Variants in CNTNAP5 observed in about 807,000 individuals in gnomAD.
CNTNAP5 encodes contactin associated protein family member 5, also known as contactin-associated protein-like 5.
A neutral mutation model predicts 150.2 loss-of-function variants in CNTNAP5; 72 were observed. The observed-to-expected ratio is 0.48, with a 90% confidence interval of 0.40 to 0.58. The LOEUF is 0.58. CNTNAP5 is among the 20% of genes least tolerant of loss of function. CNTNAP5 has a pLI of 0.00. For missense variants in CNTNAP5, 1,636 were observed against 1,626.2 expected (o/e 1.01, Z -0.10); for synonymous variants, 672 against 619.8 (o/e 1.08, Z -1.25).
At chr2:124,473,970 G>A (rs1466778522) in intron 6 of CNTNAP5, among the ~76,000 whole-genome samples, 1 of 151,916 alleles carries the variant, frequency 6.6e-6, no homozygotes, top group Non-Finnish European at 1.5e-5. Flanking sequence ...TGTAATTGCG[G>A]TTTTTGCCAT....
rs370782361 is a variant in CNTNAP5, at chr2:124,474,001, G to T, written c.919-738G>T. Among the ~76,000 whole-genome samples the T allele has an allele frequency of 6.6e-5, 10 of 151,980 alleles. No homozygotes were observed. The South Asian group carries it at 1.2e-3, about 19-fold the overall frequency. Reference sequence around the variant, plus strand: ...GCCATTACTTTTAGTGACAAAAACCGCAGTTGCTTTTGCCTCAACCTAATA... The same window carrying T: ...GCCATTACTTTTAGTGACAAAAACCTCAGTTGCTTTTGCCTCAACCTAATA... On this transcript the variant is annotated intron_variant, in intron 6 of 23. Transcript: ENST00000682447.
At chr2:124,547,150 G>A (rs10172145) in intron 10 of CNTNAP5, among the ~76,000 whole-genome samples, 2,429 of 152,142 alleles carry the variant, frequency 0.016, 64 homozygotes, top group African/African-American at 0.055. Flanking sequence ...AGCAATGGTG[G>A]CATCAGACAG....
At chr2:124,490,160 C>G (rs1164384913) in intron 7 of CNTNAP5, among the ~76,000 whole-genome samples, 1 of 151,890 alleles carries the variant, frequency 6.6e-6, no homozygotes, top group Non-Finnish European at 1.5e-5. Context: ...ATGGTGAAAC[C>G]CCATCTCTAC....
At chr2:124,089,204 T>C (rs1682762998) in intron 1 of CNTNAP5, among the ~76,000 whole-genome samples, 1 of 152,184 alleles carries the variant, frequency 6.6e-6, no homozygotes, top group Non-Finnish European at 1.5e-5. Flanking sequence ...GGATTCTCCA[T>C]TGTAATTACT....
intron 1 of CNTNAP5, among the ~76,000 whole-genome samples, chr2:124,157,705 G>T (rs1240601353): frequency 6.6e-6 from 1 of 152,104 alleles, no homozygotes; most frequent in Non-Finnish European, 1.5e-5. Context: ...ATCTATAGGA[G>T]GTGCAATTAG....
At chr2:124,497,129 TTTA>T (rs1291127555) in intron 7 of CNTNAP5, among the ~76,000 whole-genome samples, 1 of 152,190 alleles carries the variant, frequency 6.6e-6, no homozygotes, top group South Asian at 2.1e-4. Context: ...TATAGCTTTT[TTTA>T]TTTTCAGGTT....
chr2:124,281,357 C>T (rs960918827), intron 3 of CNTNAP5, among the ~76,000 whole-genome samples: 1 of 152,072 alleles, frequency 6.6e-6, no homozygotes, highest in African/African-American at 2.4e-5. Flanking sequence ...TAATTCAGTG[C>T]TTATTTATTT....
At chr2:124,139,930 G>GCGCAC (rs1181344381) in intron 1 of CNTNAP5, among the ~76,000 whole-genome samples, 1 of 152,114 alleles carries the variant, frequency 6.6e-6, no homozygotes, top group East Asian at 1.9e-4. Flanking sequence ...CAGTGTGTGC[G>GCGCAC]CGCACCGTGC....
chr2:124,145,916 A>G (rs891241855), intron 1 of CNTNAP5, among the ~76,000 whole-genome samples: 1 of 151,470 alleles, frequency 6.6e-6, no homozygotes, highest in Non-Finnish European at 1.5e-5. Context: ...ACATGTTGAT[A>G]GTGACTGTAA....
At chr2:124,385,603 C>T (rs768346062) in intron 3 of CNTNAP5, among the ~76,000 whole-genome samples, 4 of 152,182 alleles carry the variant, frequency 2.6e-5, no homozygotes, top group Admixed American at 6.5e-5. Flanking sequence ...TAAGTAGGCA[C>T]AGAAACATAT....
chr2:124,759,038 T>G (rs1558764482), intron 14 of CNTNAP5, among the ~76,000 whole-genome samples: 1 of 152,018 alleles, frequency 6.6e-6, no homozygotes, highest in Non-Finnish European at 1.5e-5. Flanking sequence ...TAAATCAATG[T>G]CACAAAATAT....
chr2:124,894,011 A>T (rs188587311), intron 21 of CNTNAP5, among the ~76,000 whole-genome samples: 33 of 152,286 alleles, frequency 2.2e-4, no homozygotes, highest in Admixed American at 1.0e-3. Flanking sequence ...CACATACATC[A>T]TATGTGTTTT....
chr2:124,537,934 A>T (rs1405215942), intron 10 of CNTNAP5, among the ~76,000 whole-genome samples: 1 of 152,172 alleles, frequency 6.6e-6, no homozygotes, highest in Non-Finnish European at 1.5e-5. Flanking sequence ...CCAGGTTGGC[A>T]CTTCATTTTG....
intron 13 of CNTNAP5, among the ~76,000 whole-genome samples, chr2:124,664,088 T>C (rs1678647820): frequency 6.6e-6 from 1 of 152,138 alleles, no homozygotes; most frequent in South Asian, 2.1e-4. Flanking sequence ...TCCCAAATTT[T>C]CTTGGATATG....
rs936580885 is a variant in CNTNAP5, at chr2:124,789,388, A to G, written c.2753-514A>G. Among the ~76,000 whole-genome samples, 19 of 152,144 alleles carry G rather than the reference A, an allele frequency of 1.2e-4. 1 individual carries two copies. The highest frequency in any genetic ancestry group is 4.6e-4 in the African/African-American group (19 of 41,416). On this transcript the variant is annotated intron_variant, in intron 17 of 23. Coordinates refer to ENST00000682447, the MANE Select transcript of CNTNAP5 (RefSeq NM_001367498.1). ...GAGGGGGTTCCCAGCCTAGAAGGACATGTATTTTTTTCTTAACTAACTTTT... is the reference window on the plus strand; with the variant it reads ...GAGGGGGTTCCCAGCCTAGAAGGACGTGTATTTTTTTCTTAACTAACTTTT...
intron 1 of CNTNAP5, among the ~76,000 whole-genome samples, chr2:124,122,152 C>T (rs1356888057): frequency 6.6e-6 from 1 of 152,070 alleles, no homozygotes; most frequent in African/African-American, 2.4e-5. Flanking sequence ...ACCATTTTCT[C>T]CTTGAAAATT....
intron 3 of CNTNAP5, among the ~76,000 whole-genome samples, chr2:124,242,731 C>T (rs80298719): frequency 0.011 from 1,623 of 152,180 alleles, 36 homozygotes; most frequent in Admixed American, 0.052. Context: ...TACTAATTTA[C>T]TGAGTGTTTA....
chr2:124,314,637 C>T (rs550287353), intron 3 of CNTNAP5, among the ~76,000 whole-genome samples: 1 of 151,994 alleles, frequency 6.6e-6, no homozygotes, highest in Non-Finnish European at 1.5e-5. Context: ...AAATATAATG[C>T]ATGCTTATTT....
chr2:124,566,133 T>G (rs553582407), intron 11 of CNTNAP5, among the ~76,000 whole-genome samples: 19,409 of 152,104 alleles, frequency 0.13, 1,511 homozygotes, highest in East Asian at 0.26. Context: ...TAGAGAAATG[T>G]TGCAGGACCC....
Sources: gnomAD v4.1 joint callset for allele counts (sites outside exome capture counted in the v4.1 genomes callset) on GRCh38, gnomAD v4.1.1 for gene constraint, MANE v1.5 for transcripts, NCBI Gene and HGNC (gene_info 2026-07-23, HGNC 2026-07-21) for gene names.